ZC3H3: variants seen among roughly 807,000 people sequenced by gnomAD.
ZC3H3 encodes the protein zinc finger CCCH domain-containing protein 3.
ZC3H3 carries 36 observed loss-of-function variants against 77.3 expected under a neutral mutation model. The observed-to-expected ratio is 0.47, with a 90% CI of 0.36 to 0.61. ZC3H3 has a LOEUF of 0.61. Ranked by LOEUF, ZC3H3 falls within the 20% of genes least tolerant of loss-of-function variation. ZC3H3 has a pLI of 0.00. For missense variants in ZC3H3, 1,331 were observed against 1,312.2 expected (o/e 1.01, Z -0.22); for synonymous variants, 626 against 555.2 (o/e 1.13, Z -1.79).
At chr8:143,474,258 G>A (rs1820661346) in intron 5 of ZC3H3, among the ~76,000 whole-genome samples, 1 of 150,816 alleles carries the variant, frequency 6.6e-6, no homozygotes, top group African/African-American at 2.4e-5. Context: ...CAGTGAGTGG[G>A]AGGCACACAC....
chr8:143,509,837 T>C (rs889764672), intron 3 of ZC3H3, among the ~76,000 whole-genome samples: 2 of 152,170 alleles, frequency 1.3e-5, no homozygotes, highest in South Asian at 2.1e-4. Flanking sequence ...CCCCCAGACC[T>C]GGCCCAGCTC....
intron 4 of ZC3H3, among the ~76,000 whole-genome samples, chr8:143,490,267 T>G (rs185574813): frequency 6.6e-6 from 1 of 152,158 alleles, no homozygotes; most frequent in Non-Finnish European, 1.5e-5. Context: ...AGGGCCCACA[T>G]AGCAATACAA....
intron 3 of ZC3H3, among the ~76,000 whole-genome samples, chr8:143,510,867 C>T (rs952670062): frequency 5.3e-5 from 8 of 152,322 alleles, no homozygotes; most frequent in South Asian, 2.1e-4. Context: ...TGGCACACTC[C>T]GCGCACATCA....
At chr8:143,466,536 G>A (rs542826635) in intron 8 of ZC3H3, among the ~76,000 whole-genome samples, 1 of 152,334 alleles carries the variant, frequency 6.6e-6, no homozygotes, top group Admixed American at 6.5e-5. Flanking sequence ...CTCCCATTTG[G>A]GGGAACCTCA....
intron 9 of ZC3H3, among the ~76,000 whole-genome samples, chr8:143,454,899 G>A (rs939587470): frequency 2.0e-5 from 3 of 152,174 alleles, no homozygotes; most frequent in African/African-American, 7.2e-5. Context: ...ACTTGTGTCC[G>A]GGTAACCCTT....
intron 8 of ZC3H3, among the ~76,000 whole-genome samples, chr8:143,467,213 C>A (rs1820432898): frequency 1.3e-5 from 2 of 152,156 alleles, no homozygotes; most frequent in Non-Finnish European, 1.5e-5. Flanking sequence ...GATGATAAAG[C>A]CAACTCTACA....
intron 9 of ZC3H3, among the ~76,000 whole-genome samples, chr8:143,452,852 TG>T: frequency 6.6e-6 from 1 of 152,278 alleles, no homozygotes; most frequent in East Asian, 1.9e-4. Context: ...CTAACATTCA[TG>T]TAACTGGAGA....
intron 9 of ZC3H3, among the ~76,000 whole-genome samples, chr8:143,455,925 A>T (rs1820105090): frequency 6.8e-6 from 1 of 146,376 alleles, no homozygotes; most frequent in Non-Finnish European, 1.5e-5. Flanking sequence ...GTGAGCCAAG[A>T]TCAAGATCAC....
At chr8:143,475,174 G>A (rs1318285934) in intron 5 of ZC3H3, among the ~76,000 whole-genome samples, 1 of 152,242 alleles carries the variant, frequency 6.6e-6, no homozygotes, top group Non-Finnish European at 1.5e-5. Flanking sequence ...GTGTATGGAA[G>A]AGTGAAATTA....
rs541523105 is a variant in ZC3H3 at position 143,457,092 on chromosome 8, C to T, written c.2307+8625G>A. On this transcript the variant is annotated intron_variant, in intron 9 of 11. Coordinates refer to ENST00000262577, the MANE Select transcript of ZC3H3 (RefSeq NM_015117.3). ...AGAACTCAAAAGCACCTTTAACTAG[C>T]AAGCTCTATTAGACATTTACAGAGC... 4.6e-5 allele frequency among the ~76,000 whole-genome samples: 7 copies of T among 152,296 alleles called. No homozygotes were observed. The South Asian group carries it at 1.5e-3, about 32-fold the overall frequency.
At chr8:143,440,497 TCA>T in intron 10 of ZC3H3, 134 bp from the exon 11 acceptor site, 1 of 1,416,014 alleles carries the variant, frequency 7.1e-7, no homozygotes. Flanking sequence ...GAGGCACAGG[TCA>T]GGCCTGGCCC....
chr8:143,478,963 C>T (rs371990551), intron 4 of ZC3H3, among the ~76,000 whole-genome samples: 3 of 152,230 alleles, frequency 2.0e-5, no homozygotes, highest in Non-Finnish European at 4.4e-5. Context: ...TGAGCCGTCC[C>T]GGGATCTGCG....
rs962850375 is a variant in ZC3H3, at chr8:143,442,620, C to T, written c.2308-1500G>A. ...TCAGATGCACCCACAGCCCCAGCAACGGCTGGTGGGCAACACTGGATGCAG... is the reference window on the plus strand; with the variant it reads ...TCAGATGCACCCACAGCCCCAGCAATGGCTGGTGGGCAACACTGGATGCAG... On this transcript the variant is annotated intron_variant, in intron 9 of 11. Transcript: ENST00000262577. Among the ~76,000 whole-genome samples, 36 of 152,330 alleles carry T rather than the reference C, an allele frequency of 2.4e-4. No homozygotes were observed. In the East Asian group the frequency reaches 6.4e-3, roughly 27 times the overall value.
chr8:143,538,314 C>A lies in ZC3H3; in HGVS notation c.1053G>T (p.Pro351=), dbSNP rs545171335. 6.2e-7 allele frequency: 1 copy of A among 1,612,986 alleles called. No homozygotes were observed. The highest frequency in any genetic ancestry group is 1.1e-5 in the South Asian group (1 of 91,088). Residue 351 remains proline, a synonymous_variant, in exon 2 of 12, where the codon CCG becomes CCT. Coordinates refer to ENST00000262577, the MANE Select transcript of ZC3H3 (RefSeq NM_015117.3). Reference sequence around the variant, plus strand: ...TGGGCTCTGGGTCAGCTATGAGCTGCGGCTTCTCCACCTTGTTTGCCATGC... The same window carrying A: ...TGGGCTCTGGGTCAGCTATGAGCTGAGGCTTCTCCACCTTGTTTGCCATGC... ...SAGMANKVEK[P]QLIADPEPKP...
In ZC3H3 at chr8:143,507,830, T is replaced by C. The variant is rs1253517702; in HGVS notation, c.1631A>G (p.Lys544Arg). The change falls in exon 4 of 12, where the codon AAG becomes AGG. Residue 544 changes from lysine to arginine, a missense_variant. By Grantham distance (26) the Lys-to-Arg change is conservative. Coordinates refer to ENST00000262577, the MANE Select transcript of ZC3H3 (RefSeq NM_015117.3). ...KVIKTRYRIV[K>R]KTPASPLSAP... is the part of the protein sequence containing the mutation. ...GCTGAGAGGCGAGGCCGGCGTCTTC[T>C]TGACAATGCGGTAGCGGGTCTTGAT... is the stretch of plus-strand genomic sequence containing the variant. 1.2e-6 allele frequency: 2 copies of C among 1,610,062 alleles called. No homozygotes were observed. Among genetic ancestry groups the C allele is most frequent in the Non-Finnish European group, 1.7e-6 (2 of 1,178,704 alleles).
chr8:143,506,384 T>G lies in ZC3H3; in HGVS notation c.1715+1362A>C, dbSNP rs371669023. ...CCGGGGCTCTTATTAAGTAAATTAA[T>G]TTAAGTTAATTTAGCTCGATCATGA... On this transcript the variant is annotated intron_variant, in intron 4 of 11. Transcript: ENST00000262577. Among the ~76,000 whole-genome samples the G allele has an allele frequency of 3.9e-5, 6 of 152,314 alleles. No individual in the cohort carries two copies. In the East Asian group the frequency reaches 9.7e-4, roughly 25 times the overall value.
At chr8:143,526,655 G>A (rs756648012) in intron 3 of ZC3H3, among the ~76,000 whole-genome samples, 2 of 152,164 alleles carry the variant, frequency 1.3e-5, no homozygotes, top group Non-Finnish European at 2.9e-5. Flanking sequence ...GCTGGCAGGG[G>A]CCACTTACGG....
Position 143,462,987 on chromosome 8 carries a change from C to CTT in ZC3H3, c.2307+2728_2307+2729dup, listed in dbSNP as rs35560132. 1.1e-3 allele frequency among the ~76,000 whole-genome samples: 159 copies of CTT among 143,658 alleles called. 1 individual carries two copies. The highest frequency in any genetic ancestry group is 7.3e-3 in the Middle Eastern group (2 of 274). 94.2% of individuals were successfully genotyped at this position (143,658 alleles called of 152,430 possible). ...GGAGCAGCGCCCAGACCCTGAGTCT[C>CTT]TTTTTTTTTTTTTGAGACAGAGTCT... On this transcript the variant is annotated intron_variant, in intron 9 of 11. Coordinates refer to ENST00000262577, the MANE Select transcript of ZC3H3 (RefSeq NM_015117.3). The surrounding 1 kb of genome is among the most constrained non-coding windows in gnomAD (Gnocchi z 4.7).
intron 9 of ZC3H3, among the ~76,000 whole-genome samples, chr8:143,457,759 C>T (rs1028197984): frequency 3.9e-5 from 6 of 152,202 alleles, no homozygotes; most frequent in African/African-American, 1.2e-4. Flanking sequence ...CCCACCTACT[C>T]AGGACGCTGA....
Sources: gnomAD v4.1 joint callset for allele counts (sites outside exome capture counted in the v4.1 genomes callset) on GRCh38, gnomAD v4.1.1 for gene constraint, Gnocchi (gnomAD v3.1) non-coding constraint, MANE v1.5 for transcripts, NCBI Gene and HGNC (gene_info 2026-07-23, HGNC 2026-07-21) for gene names.